Variants in BBS5 observed in about 807,000 individuals in gnomAD.
The protein encoded by BBS5 is BBSome complex member BBS5.
Under a neutral mutation model 50.2 loss-of-function variants are expected in BBS5, and 39 were observed. The observed-to-expected ratio is 0.78, with a 90% CI of 0.60 to 1.01. The LOEUF (loss-of-function observed/expected upper bound fraction) is 1.01, where lower values mean the gene tolerates loss of function less well. Among genes scored for constraint, BBS5 ranks in the 50% least tolerant of loss-of-function variants. The pLI is 0.00. For missense variants in BBS5, 356 were observed against 401.5 expected (o/e 0.89, Z 0.97); for synonymous variants, 134 against 133.1 (o/e 1.01, Z -0.05).
chr2:169,499,627 T>C lies in BBS5; in HGVS notation c.816+7T>C, dbSNP rs1370125767. On this transcript the variant is annotated splice_region_variant and intron_variant, in intron 9 of 11. Coordinates refer to ENST00000295240, the MANE Select transcript of BBS5 (RefSeq NM_152384.3). ...TTATGAGATGGAAGAAAAGGTAATT[T>C]GTTGAGTATGTGAAATAAAGTTTGC... is the stretch of plus-strand genomic sequence containing the variant. 1 of 1,613,576 alleles carries C rather than the reference T, an allele frequency of 6.2e-7. No individual in the cohort carries two copies. The highest frequency in any genetic ancestry group is 8.5e-7 in the Non-Finnish European group (1 of 1,179,610).
chr2:169,482,364 C>A, intron 2 of BBS5, 31 bp downstream of exon 2: 3 of 1,339,286 alleles, frequency 2.2e-6, no homozygotes, highest in South Asian at 2.3e-5. Context: ...ATCTTATATT[C>A]CTGGTTTAAT....
At chr2:169,485,395 G>A (rs1016224063) in intron 2 of BBS5, among the ~76,000 whole-genome samples, 1 of 152,098 alleles carries the variant, frequency 6.6e-6, no homozygotes, top group Non-Finnish European at 1.5e-5. Context: ...TTCAAATGAG[G>A]AAACTGAGGA....
Position 169,504,465 on chromosome 2 carries a change from C to T in BBS5, c.925-16C>T. The T allele has an allele frequency of 6.2e-7, 1 of 1,609,290 alleles. No individual in the cohort carries two copies. The highest frequency in any genetic ancestry group is 8.5e-7 in the Non-Finnish European group (1 of 1,175,676). The stretch of plus-strand genomic sequence containing the variant: ...ACCTTCTCTATTCCCATCTTATCCT[C>T]CTGTCTCCCAAAAAGCAACAAGATC... On this transcript the variant is annotated splice_polypyrimidine_tract_variant and intron_variant, in intron 11 of 11. Transcript: ENST00000295240.
intron 2 of BBS5, 68 bp downstream of exon 2, chr2:169,482,401 G>A (rs1379678940): frequency 1.0e-6 from 1 of 995,172 alleles, no homozygotes; most frequent in African/African-American, 1.6e-5. Flanking sequence ...ATATTAGCTA[G>A]AGAATATATG....
rs1315254697 is a variant in BBS5 at position 169,488,079 on chromosome 2, C to T, written c.351C>T (p.Ser117=). 6.2e-7 allele frequency: 1 copy of T among 1,613,396 alleles called. No individual in the cohort carries two copies. The highest frequency in any genetic ancestry group is 2.2e-5 in the East Asian group (1 of 44,812). ...TATTTACAAATTTGGTTCCTGGAAG[C>T]CCTAGACTTTTTACTTCTGTGATGG... The part of the protein sequence containing the change: ...EFIFTNLVPG[S]PRLFTSVMAV... Residue 117 remains serine (S), a synonymous_variant, in exon 5 of 12, where the codon AGC becomes AGT. Coordinates refer to ENST00000295240, the MANE Select transcript of BBS5 (RefSeq NM_152384.3).
chr2:169,493,392 G>A, intron 6 of BBS5, among the ~76,000 whole-genome samples: 1 of 152,210 alleles, frequency 6.6e-6, no homozygotes, highest in Non-Finnish European at 1.5e-5. Context: ...ACCTATCCAA[G>A]GTTTTGAATA....
chr2:169,503,376 G>C (rs1683843424), intron 10 of BBS5, among the ~76,000 whole-genome samples, 198 bp downstream of exon 10: 2 of 152,088 alleles, frequency 1.3e-5, no homozygotes, highest in South Asian at 4.1e-4. Flanking sequence ...GAAATACTTT[G>C]AGGCCAGGTG....
At chr2:169,491,442 T>C (rs1683599639) in intron 5 of BBS5, among the ~76,000 whole-genome samples, 1 of 152,174 alleles carries the variant, frequency 6.6e-6, no homozygotes, top group African/African-American at 2.4e-5. Flanking sequence ...AAGATTAAAA[T>C]AAAAATTAGA....
chr2:169,487,324 A>G (rs1341985894), intron 3 of BBS5, among the ~76,000 whole-genome samples, 190 bp downstream of exon 3: 1 of 152,176 alleles, frequency 6.6e-6, no homozygotes, highest in Non-Finnish European at 1.5e-5. Flanking sequence ...TGTCTTGGAC[A>G]TATAGAAGAT....
intron 8 of BBS5, 150 bp downstream of exon 8, chr2:169,497,839 A>G: frequency 4.9e-6 from 3 of 608,384 alleles, no homozygotes; most frequent in South Asian, 2.1e-5. Flanking sequence ...GAAGTCATAC[A>G]GAAATTGTCC....
chr2:169,496,870 A>G (rs984093130), intron 7 of BBS5, among the ~76,000 whole-genome samples: 3 of 150,514 alleles, frequency 2.0e-5, no homozygotes, highest in South Asian at 2.1e-4. Flanking sequence ...CTCCGTCTCA[A>G]AAAAAAAAAA....
At chr2:169,494,456 C>T (rs955273560) in intron 7 of BBS5, among the ~76,000 whole-genome samples, 2 of 151,990 alleles carry the variant, frequency 1.3e-5, no homozygotes, top group African/African-American at 2.4e-5. Context: ...GTGGCTTATT[C>T]CTGTAATCTC....
At chr2:169,502,971 A>G in intron 9 of BBS5, 124 bp from the exon 10 acceptor site, 1 of 759,898 alleles carries the variant, frequency 1.3e-6, no homozygotes, top group Non-Finnish European at 2.2e-6. Flanking sequence ...TAATAAAATA[A>G]CAAATTATAC....
intron 10 of BBS5, among the ~76,000 whole-genome samples, chr2:169,503,729 T>C (rs1196389099): frequency 6.6e-6 from 1 of 152,260 alleles, no homozygotes; most frequent in East Asian, 1.9e-4. Flanking sequence ...TATTTCCAAA[T>C]TGGTATCATT....
Position 169,503,713 on chromosome 2 carries a change from C to T in BBS5, c.900+535C>T, listed in dbSNP as rs374436141. ...AAATGGACATGTATTTGAACAATAG[C>T]TTTCCTATTTCCAAATTGGTATCAT... On this transcript the variant is annotated intron_variant, in intron 10 of 11. Coordinates refer to ENST00000295240, the MANE Select transcript of BBS5 (RefSeq NM_152384.3). Among the ~76,000 whole-genome samples, 28 of 152,120 alleles carry T rather than the reference C, an allele frequency of 1.8e-4. No individual in the cohort carries two copies. In the East Asian group the frequency reaches 3.5e-3, roughly 19 times the overall value.
At chr2:169,491,717 C>T (rs1683605212) in intron 5 of BBS5, among the ~76,000 whole-genome samples, 1 of 151,898 alleles carries the variant, frequency 6.6e-6, no homozygotes, top group South Asian at 2.1e-4. Context: ...CTTAGGGTCC[C>T]TTTTGGAATC....
At chr2:169,488,521 A>G (rs1683527037) in intron 5 of BBS5, among the ~76,000 whole-genome samples, 1 of 152,350 alleles carries the variant, frequency 6.6e-6, no homozygotes, top group South Asian at 2.1e-4. Context: ...CAGGAGGCAG[A>G]GCTCAGCTTT....
At chr2:169,481,623 GTT>G (rs10646618) in intron 1 of BBS5, among the ~76,000 whole-genome samples, 84 of 149,320 alleles carry the variant, frequency 5.6e-4, no homozygotes, top group Non-Finnish European at 2.4e-4. Flanking sequence ...ATTTTGCTAG[GTT>G]TTTTTTTTTG....
In BBS5 at chr2:169,488,118, T is replaced by C; in HGVS notation, c.386+4T>C. On this transcript the variant is annotated splice_donor_region_variant and intron_variant, in intron 5 of 11. Transcript: ENST00000295240. ...CTTCTGTGATGGCAGTACACAGGTA[T>C]AGTAATACTTTATGGATTATTGAAT... is the stretch of plus-strand genomic sequence containing the variant. The C allele has an allele frequency of 6.2e-7, 1 of 1,612,638 alleles. No individual in the cohort carries two copies. Among genetic ancestry groups the C allele is most frequent in the Non-Finnish European group, 8.5e-7 (1 of 1,179,038 alleles).
Sources: allele counts gnomAD v4.1 joint callset (sites outside exome capture counted in the v4.1 genomes callset), GRCh38; gene constraint gnomAD v4.1.1; transcripts MANE v1.5; gene names NCBI Gene and HGNC (gene_info 2026-07-23, HGNC 2026-07-21).